GRK3: variants seen among roughly 807,000 people sequenced by gnomAD.
The protein encoded by GRK3 is G protein-coupled receptor kinase 3.
In GRK3, 54 loss-of-function variants were observed where a neutral mutation model predicts 95.7. That is an observed-to-expected ratio of 0.56 (90% CI 0.45 to 0.71). GRK3 has a LOEUF of 0.71. GRK3 is among the 30% of genes least tolerant of loss of function. GRK3 has a pLI of 0.00. For synonymous variants in GRK3, 281 were observed against 290.8 expected (o/e 0.97, Z 0.34); for missense variants, 649 against 851.2 (o/e 0.76, Z 2.96).
At chr22:25,649,255 A>G (rs1283692547) in intron 3 of GRK3, 8 of 1,118,268 alleles carry the variant, frequency 7.2e-6, no homozygotes, top group Non-Finnish European at 8.2e-6. Context: ...CCTATTTTAT[A>G]TGCTCACATC....
At chr22:25,604,506 C>A in intron 2 of GRK3, 53 bp downstream of exon 2, 1 of 1,295,964 alleles carries the variant, frequency 7.7e-7, no homozygotes, top group East Asian at 2.3e-5. Context: ...TGAAATTGGG[C>A]GATACTATAG....
At chr22:25,636,121 T>C (rs1038976234) in intron 2 of GRK3, among the ~76,000 whole-genome samples, 1 of 152,174 alleles carries the variant, frequency 6.6e-6, no homozygotes, top group African/African-American at 2.4e-5. Flanking sequence ...TTCTAGCAGA[T>C]GTTTAAAGCT....
At chr22:25,568,529 T>C (rs936586733) in intron 1 of GRK3, among the ~76,000 whole-genome samples, 10 of 152,228 alleles carry the variant, frequency 6.6e-5, no homozygotes, top group African/African-American at 2.4e-4. Flanking sequence ...TTCTTTATAA[T>C]TTTCTAGGAG....
intron 15 of GRK3, 46 bp from the exon 16 acceptor site, chr22:25,709,852 G>A (rs1226204069): frequency 4.3e-6 from 6 of 1,405,422 alleles, no homozygotes; most frequent in African/African-American, 2.8e-5. Context: ...TATTTATTAC[G>A]TTTCCAAATG....
At chr22:25,595,227 C>T (rs549413011) in intron 1 of GRK3, among the ~76,000 whole-genome samples, 3 of 152,108 alleles carry the variant, frequency 2.0e-5, no homozygotes, top group Admixed American at 2.0e-4. Context: ...TCTTTCTTTG[C>T]CGATGATAAT....
At chr22:25,611,494 C>T (rs1425747519) in intron 2 of GRK3, among the ~76,000 whole-genome samples, 5 of 152,098 alleles carry the variant, frequency 3.3e-5, no homozygotes, top group African/African-American at 4.8e-5. Context: ...TGTTGTTACC[C>T]GTCTTTTTTG....
chr22:25,617,855 C>A (rs899487588), intron 2 of GRK3, among the ~76,000 whole-genome samples: 1 of 152,198 alleles, frequency 6.6e-6, no homozygotes, highest in African/African-American at 2.4e-5. Flanking sequence ...CGGCTCCATG[C>A]AACCTCTGCC....
chr22:25,614,798 C>T (rs1303288580), intron 2 of GRK3, among the ~76,000 whole-genome samples: 1 of 152,208 alleles, frequency 6.6e-6, no homozygotes, highest in Non-Finnish European at 1.5e-5. Context: ...AAAGATCTCT[C>T]TGTAGCTGGT....
intron 13 of GRK3, among the ~76,000 whole-genome samples, chr22:25,701,170 C>T (rs1025615389): frequency 2.6e-5 from 4 of 152,210 alleles, no homozygotes; most frequent in East Asian, 1.9e-4. Context: ...AGAGCTTGGC[C>T]GTGCCTTGTA....
At chr22:25,695,356 C>G in intron 13 of GRK3, 142 bp downstream of exon 13, 1 of 587,750 alleles carries the variant, frequency 1.7e-6, no homozygotes, top group Non-Finnish European at 3.0e-6. Context: ...ATCTGGAAGA[C>G]TCTGTCTTAG....
chr22:25,675,483 TAA>T (rs1334738312), intron 8 of GRK3, among the ~76,000 whole-genome samples: 1 of 152,154 alleles, frequency 6.6e-6, no homozygotes. Flanking sequence ...AGAAGTGGCT[TAA>T]GACATATTTC....
chr22:25,727,840 T>C lies in GRK3; in HGVS notation c.*5390T>C, dbSNP rs571527160. ...CTTGAAATTTACTTTCTTAGTTGAT[T>C]ATATTAAATGATGTATATATTATAT... On this transcript the variant is annotated 3_prime_UTR_variant, in exon 21 of 21. Coordinates refer to ENST00000324198, the MANE Select transcript of GRK3 (RefSeq NM_005160.4). The C allele has an allele frequency of 3.9e-5, 6 of 152,334 alleles. 1 individual carries two copies. Among genetic ancestry groups the C allele is most frequent in the African/African-American group, 1.4e-4 (6 of 41,588 alleles). The allele number at this position is 152,334 out of a possible 1,614,324, so 9.4% of individuals were successfully genotyped here.
chr22:25,574,438 G>A (rs1000023671), intron 1 of GRK3, among the ~76,000 whole-genome samples: 18 of 152,216 alleles, frequency 1.2e-4, no homozygotes, highest in African/African-American at 3.6e-4. Context: ...GTTGCAGTGA[G>A]CTGAAATCAT....
intron 2 of GRK3, among the ~76,000 whole-genome samples, chr22:25,604,917 T>A (rs1450096622): frequency 6.6e-6 from 1 of 152,230 alleles, no homozygotes. Context: ...CCTTTAAGAC[T>A]GCGTATTCTT....
Position 25,700,326 on chromosome 22 carries a change from C to T in GRK3, c.1161-3184C>T, listed in dbSNP as rs1035514812. On this transcript the variant is annotated intron_variant, in intron 13 of 20. Transcript: ENST00000324198. Reference sequence around the variant, plus strand: ...AAATCTGTGGAGCTGCCATCATGATCTTCACCTAGATTTAAGATGTCTGTT... The same window carrying T: ...AAATCTGTGGAGCTGCCATCATGATTTTCACCTAGATTTAAGATGTCTGTT... Among the ~76,000 whole-genome samples, 6 of 152,102 alleles carry T rather than the reference C, an allele frequency of 3.9e-5. No individual in the cohort carries two copies. In the East Asian group the frequency reaches 1.2e-3, roughly 29 times the overall value.
chr22:25,710,039 GTC>G (rs2085331917), intron 16 of GRK3, 75 bp downstream of exon 16: 2 of 1,138,418 alleles, frequency 1.8e-6, no homozygotes, highest in South Asian at 2.5e-5. Context: ...CTCAGTTTCT[GTC>G]TCTGTCTCTC....
intron 6 of GRK3, among the ~76,000 whole-genome samples, chr22:25,671,152 G>A (rs960183611): frequency 6.6e-6 from 1 of 151,036 alleles, no homozygotes; most frequent in Non-Finnish European, 1.5e-5. Context: ...AGGAGATTGA[G>A]ACCACGGTGA....
At chr22:25,721,078 C>A (rs975690199) in intron 19 of GRK3, among the ~76,000 whole-genome samples, 6 of 152,170 alleles carry the variant, frequency 3.9e-5, no homozygotes, top group Admixed American at 6.5e-5. Flanking sequence ...ACATTGCTTT[C>A]TCTGCAGTTT....
At chr22:25,650,097 T>G (rs1192415424) in intron 3 of GRK3, among the ~76,000 whole-genome samples, 2 of 152,120 alleles carry the variant, frequency 1.3e-5, no homozygotes, top group East Asian at 3.9e-4. Context: ...GTTCAAGTGA[T>G]TCTCCTGCCT....
Sources: gnomAD v4.1 joint callset for allele counts (sites outside exome capture counted in the v4.1 genomes callset) on GRCh38, gnomAD v4.1.1 for gene constraint, MANE v1.5 for transcripts, NCBI Gene and HGNC (gene_info 2026-07-23, HGNC 2026-07-21) for gene names.